PHEX: variants seen among roughly 807,000 people sequenced by gnomAD.
PHEX encodes the protein phosphate-regulating neutral endopeptidase PHEX.
A neutral mutation model predicts 68.0 loss-of-function variants in PHEX; 16 were observed. The ratio of observed to expected loss-of-function variants is 0.24; its 90% CI spans 0.16 to 0.36. The LOEUF (loss-of-function observed/expected upper bound fraction) is 0.36. PHEX is among the 10% of genes least tolerant of loss of function. The pLI is 1.00. For missense variants in PHEX, 480 were observed against 575.5 expected (o/e 0.83, Z 1.70); for synonymous variants, 208 against 205.1 (o/e 1.01, Z -0.12).
intron 17 of PHEX, among the ~76,000 whole-genome samples, chrX:22,219,922 T>C (rs1602403402): frequency 8.9e-6 from 1 of 112,204 alleles, no homozygotes. Flanking sequence ...TGGCCTATTC[T>C]GATTATTTTA....
chrX:22,087,563 A>G (rs964358832), intron 5 of PHEX, among the ~76,000 whole-genome samples: 1 of 111,861 alleles, frequency 8.9e-6, no homozygotes, highest in African/African-American at 3.2e-5. Flanking sequence ...GTTGTATATT[A>G]AGGGCAGTTT....
chrX:22,187,254 G>C (rs1934060788), intron 14 of PHEX, among the ~76,000 whole-genome samples: 1 of 111,863 alleles, frequency 8.9e-6, no homozygotes, highest in East Asian at 2.8e-4. Context: ...CTTCCAAGGG[G>C]ATTCAAGTTG....
At chrX:22,192,829 C>G (rs1934245856) in intron 15 of PHEX, among the ~76,000 whole-genome samples, 1 of 111,883 alleles carries the variant, frequency 8.9e-6, no homozygotes, top group South Asian at 3.7e-4. Flanking sequence ...GGTCAGAGGA[C>G]AGCCGGAAGG....
chrX:22,106,803 A>G (rs1436287277), intron 9 of PHEX, among the ~76,000 whole-genome samples: 1 of 107,215 alleles, frequency 9.3e-6, no homozygotes, highest in African/African-American at 3.5e-5. Flanking sequence ...AAAACCAAAT[A>G]GAGGCTTTAA....
At chrX:22,125,508 C>T (rs1280198989) in intron 11 of PHEX, among the ~76,000 whole-genome samples, 1 of 111,129 alleles carries the variant, frequency 9.0e-6, no homozygotes, top group Non-Finnish European at 1.9e-5. Context: ...TTCAGAACTC[C>T]TAGCCTATAA....
intron 12 of PHEX, among the ~76,000 whole-genome samples, chrX:22,154,870 G>T (rs1172867988): frequency 8.9e-6 from 1 of 112,187 alleles, no homozygotes; most frequent in African/African-American, 3.2e-5. Flanking sequence ...CTGGCCCTAT[G>T]ACATTCCCTT....
chrX:22,057,893 G>C (rs1293220398), intron 3 of PHEX, among the ~76,000 whole-genome samples: 1 of 111,841 alleles, frequency 8.9e-6, no homozygotes, highest in African/African-American at 3.3e-5. Context: ...GCAGTTGTGG[G>C]GGCAGCTGAC....
At chrX:22,066,884 G>T (rs1341435544) in intron 3 of PHEX, among the ~76,000 whole-genome samples, 1 of 111,195 alleles carries the variant, frequency 9.0e-6, no homozygotes, top group African/African-American at 3.3e-5. Context: ...GATTTTTTAG[G>T]ATTTCAGGGA....
intron 13 of PHEX, among the ~76,000 whole-genome samples, chrX:22,177,273 T>C (rs1933739916): frequency 8.9e-6 from 1 of 111,930 alleles, no homozygotes; most frequent in Admixed American, 9.5e-5. Context: ...AGTATTTTAC[T>C]TTTTGCTTTT....
At chrX:22,245,569 C>T (rs775881559) in intron 21 of PHEX, among the ~76,000 whole-genome samples, 160 bp downstream of exon 21, 5 of 111,165 alleles carry the variant, frequency 4.5e-5, no homozygotes, top group African/African-American at 1.3e-4. Context: ...TCTGGCCACA[C>T]GGAAACTAAA....
chrX:22,134,635 A>C (rs771056678), intron 12 of PHEX, among the ~76,000 whole-genome samples: 1 of 112,620 alleles, frequency 8.9e-6, no homozygotes, highest in Non-Finnish European at 1.9e-5. Context: ...TGAATTCCAG[A>C]GATTCTGATA....
chrX:22,032,881 A>G lies in PHEX; in HGVS notation c.-125A>G, dbSNP rs934671381. ...TGGCGAGGGGAGATTTCCTGACGGC[A>G]GTTTCTTAAGCTGTCCATTAGTAGA... On this transcript the variant is annotated 5_prime_UTR_variant, in exon 1 of 22. Transcript: ENST00000379374. 9 of 555,314 alleles carry G rather than the reference A, an allele frequency of 1.6e-5. No individual in the cohort carries two copies. Among genetic ancestry groups the G allele is most frequent in the Non-Finnish European group, 2.9e-5 (9 of 305,185 alleles). 45.8% of individuals were successfully genotyped at this position (555,314 alleles called of 1,213,427 possible).
At chrX:22,222,219 T>C (rs1041872938) in intron 18 of PHEX, among the ~76,000 whole-genome samples, 2 of 111,653 alleles carry the variant, frequency 1.8e-5, no homozygotes, top group Non-Finnish European at 3.8e-5. Flanking sequence ...TCTCTGCCTA[T>C]ATATTTTTAA....
chrX:22,042,810 G>A (rs972946060), intron 2 of PHEX, among the ~76,000 whole-genome samples: 1 of 107,479 alleles, frequency 9.3e-6, no homozygotes, highest in African/African-American at 3.6e-5. Context: ...GTGAGACTCC[G>A]CCTCAAAAAA....
chrX:22,240,731 C>G lies in PHEX; in HGVS notation c.2071-4602C>G, dbSNP rs370530065. On this transcript the variant is annotated intron_variant, in intron 20 of 21. Coordinates refer to ENST00000379374, the MANE Select transcript of PHEX (RefSeq NM_000444.6). ...CTAACTATCCTAAATATATATGCACCCAATACAGGAGTACCCAGATTCATA... is the reference window on the plus strand; with the variant it reads ...CTAACTATCCTAAATATATATGCACGCAATACAGGAGTACCCAGATTCATA... Among the ~76,000 whole-genome samples, 3 of 111,734 alleles carry G rather than the reference C, an allele frequency of 2.7e-5. No individual in the cohort carries two copies. The East Asian group carries it at 8.5e-4, about 32-fold the overall frequency.
intron 14 of PHEX, among the ~76,000 whole-genome samples, chrX:22,186,286 A>AG (rs1235224328): frequency 8.9e-6 from 1 of 111,906 alleles, no homozygotes; most frequent in Non-Finnish European, 1.9e-5. Flanking sequence ...TGTATGCATC[A>AG]GGGGGAAGTT....
chrX:22,195,803 T>C (rs761455900), intron 15 of PHEX, among the ~76,000 whole-genome samples: 137 of 111,385 alleles, frequency 1.2e-3, no homozygotes, highest in African/African-American at 4.4e-3. Flanking sequence ...AGAGGAGGCA[T>C]GTGACACATT....
chrX:22,204,918 G>GA (rs202065898), intron 15 of PHEX, among the ~76,000 whole-genome samples: 1 of 107,876 alleles, frequency 9.3e-6, no homozygotes, highest in Non-Finnish European at 1.9e-5. Context: ...TAAGGCTTTT[G>GA]AAAAAAAAAT....
chrX:22,127,180 A>T (rs1931773910), intron 11 of PHEX, among the ~76,000 whole-genome samples: 2 of 110,968 alleles, frequency 1.8e-5, no homozygotes, highest in Admixed American at 1.9e-4. Flanking sequence ...CCCCTGAAAT[A>T]AATAGATATT....
Sources: gnomAD v4.1 joint callset for allele counts (sites outside exome capture counted in the v4.1 genomes callset) on GRCh38, gnomAD v4.1.1 for gene constraint, MANE v1.5 for transcripts, NCBI Gene and HGNC (gene_info 2026-07-23, HGNC 2026-07-21) for gene names.